The following UBE2H variants were observed in gnomAD, a reference collection of about 807,000 sequenced individuals.
The protein encoded by UBE2H is ubiquitin conjugating enzyme E2 H.
A neutral mutation model predicts 29.0 loss-of-function variants in UBE2H; 3 were observed. The observed-to-expected ratio is 0.10, with a 90% confidence interval of 0.05 to 0.27. UBE2H has a LOEUF of 0.27. Among genes scored for constraint, UBE2H ranks in the 10% least tolerant of loss-of-function variants. The pLI is 1.00. For missense variants in UBE2H, 68 were observed against 228.2 expected (o/e 0.30, Z 4.52); for synonymous variants, 69 against 82.9 (o/e 0.83, Z 0.91).
intron 5 of UBE2H, 105 bp from the exon 6 acceptor site, chr7:129,839,440 G>A: frequency 6.7e-7 from 1 of 1,493,780 alleles, no homozygotes; most frequent in Non-Finnish European, 9.1e-7. Flanking sequence ...TTCACACGGG[G>A]ATGATTCTCC....
intron 1 of UBE2H, among the ~76,000 whole-genome samples, chr7:129,882,110 C>T (rs1806268097): frequency 6.6e-6 from 1 of 152,188 alleles, no homozygotes; most frequent in Non-Finnish European, 1.5e-5. Context: ...CTTACCTACC[C>T]CTGAGATTCT....
At chr7:129,934,991 ATGTGTGTGTATATGTG>A (rs1807496213) in intron 1 of UBE2H, among the ~76,000 whole-genome samples, 1 of 150,860 alleles carries the variant, frequency 6.6e-6, no homozygotes, top group Non-Finnish European at 1.5e-5. Context: ...GTGTATATAT[ATGTGTGTGTATATGTG>A]TGTGTGTGTG....
At chr7:129,917,432 CTG>C (rs1208256659) in intron 1 of UBE2H, among the ~76,000 whole-genome samples, 2 of 152,260 alleles carry the variant, frequency 1.3e-5, no homozygotes, top group East Asian at 3.9e-4. Flanking sequence ...ATCAGCTAAA[CTG>C]TGTGTGTGCA....
At chr7:129,935,050 T>G (rs1328537957) in intron 1 of UBE2H, among the ~76,000 whole-genome samples, 1 of 148,610 alleles carries the variant, frequency 6.7e-6, no homozygotes, top group Non-Finnish European at 1.5e-5. Flanking sequence ...AAAATAGAGG[T>G]GAAAGGTAAA....
chr7:129,849,109 T>G (rs1425991386), intron 5 of UBE2H, among the ~76,000 whole-genome samples: 1 of 151,924 alleles, frequency 6.6e-6, no homozygotes, highest in Non-Finnish European at 1.5e-5. Flanking sequence ...CAAAAACCTA[T>G]AAAGAGTCCT....
chr7:129,868,219 G>A (rs1412842980), intron 3 of UBE2H, among the ~76,000 whole-genome samples: 2 of 152,208 alleles, frequency 1.3e-5, no homozygotes, highest in Non-Finnish European at 2.9e-5. Flanking sequence ...TAGGCAGCAA[G>A]TGTGATGGAA....
rs559298492 is a variant in UBE2H at position 129,831,011 on chromosome 7, C to T, written c.*3926G>A. ...TCTGTAAATAATGGCCATTTCTTCC[C>T]AAGCCCACAGCCAAGATGAGTGTTA... On this transcript the variant is annotated 3_prime_UTR_variant, in exon 7 of 7. Transcript: ENST00000355621. 1 of 151,996 alleles carries T rather than the reference C, an allele frequency of 6.6e-6. No homozygotes were observed. The highest frequency in any genetic ancestry group is 3.4e-3 in the Middle Eastern group (1 of 294). The allele number at this position is 151,996 out of a possible 1,614,324, so 9.4% of individuals were successfully genotyped here. A position where few individuals can be genotyped will look rare whatever the true frequency, so the allele number is the denominator to read the frequency against.
chr7:129,879,729 C>A lies in UBE2H; in HGVS notation c.131-87G>T, dbSNP rs902599411. The A allele has an allele frequency of 7.3e-6, 9 of 1,229,894 alleles. No homozygotes were observed. In the African/African-American group the frequency reaches 1.2e-4, roughly 17 times the overall value. 76.2% of individuals were successfully genotyped at this position (1,229,894 alleles called of 1,614,324 possible). On this transcript the variant is annotated intron_variant, in intron 2 of 6. Transcript: ENST00000355621. Reference sequence around the variant, plus strand: ...TGTAAATTAAACATTATCCCCTAATCTTCTGAAAACCTTCCAAATTAATTC... The same window carrying A: ...TGTAAATTAAACATTATCCCCTAATATTCTGAAAACCTTCCAAATTAATTC...
At position 129,857,836 on chromosome 7, in the gene UBE2H, T is replaced by A. The variant is rs566291227; in HGVS notation, c.246-273A>T. Among the ~76,000 whole-genome samples the A allele has an allele frequency of 7.2e-5, 11 of 152,316 alleles. No individual in the cohort carries two copies. The South Asian group carries it at 2.1e-3, about 29-fold the overall frequency. ...GAACACAAGGGGCAGACAGACCTTG[T>A]GTGTCTCTGAATGTGATACCCCAAG... is the stretch of plus-strand genomic sequence containing the variant. On this transcript the variant is annotated intron_variant, in intron 4 of 6. Coordinates refer to ENST00000355621, the MANE Select transcript of UBE2H (RefSeq NM_003344.4).
At chr7:129,902,239 C>A (rs535513821) in intron 1 of UBE2H, among the ~76,000 whole-genome samples, 1 of 152,308 alleles carries the variant, frequency 6.6e-6, no homozygotes, top group South Asian at 2.1e-4. Context: ...TGGCTCACAG[C>A]TGTAATCTCA....
intron 1 of UBE2H, among the ~76,000 whole-genome samples, chr7:129,949,606 A>G (rs1041820096): frequency 6.6e-6 from 1 of 152,216 alleles, no homozygotes; most frequent in Admixed American, 6.5e-5. Flanking sequence ...CACTCCCTGC[A>G]TAACTTGGGA....
At chr7:129,938,723 A>C (rs959459689) in intron 1 of UBE2H, among the ~76,000 whole-genome samples, 1 of 151,442 alleles carries the variant, frequency 6.6e-6, no homozygotes, top group Non-Finnish European at 1.5e-5. Flanking sequence ...AAAAAAACAA[A>C]GCCGACCCAA....
rs1805605766 is a variant in UBE2H at position 129,851,332 on chromosome 7, T to C, written c.298+6179A>G. On this transcript the variant is annotated intron_variant, in intron 5 of 6. Coordinates refer to ENST00000355621, the MANE Select transcript of UBE2H (RefSeq NM_003344.4). ...CCTTAAGAGCTTGTAAGCTAAAACA[T>C]GGTAATAGGATTTGTTATTAACCTT... Among the ~76,000 whole-genome samples the C allele has an allele frequency of 2.0e-5, 3 of 152,212 alleles. 1 individual carries two copies. The highest frequency in any genetic ancestry group is 1.3e-4 in the Admixed American group (2 of 15,286).
intron 1 of UBE2H, among the ~76,000 whole-genome samples, chr7:129,903,816 G>A (rs759629027): frequency 3.3e-5 from 5 of 152,182 alleles, no homozygotes; most frequent in Non-Finnish European, 7.3e-5. Flanking sequence ...TGAAATGGGA[G>A]GATCCCTTGA....
chr7:129,928,300 C>CA (rs1251551233), intron 1 of UBE2H, among the ~76,000 whole-genome samples: 3 of 151,444 alleles, frequency 2.0e-5, no homozygotes, highest in African/African-American at 7.3e-5. Context: ...AAAATAAAAA[C>CA]AAAAAACAAA....
chr7:129,866,158 G>A, intron 3 of UBE2H, among the ~76,000 whole-genome samples: 1 of 152,174 alleles, frequency 6.6e-6, no homozygotes, highest in East Asian at 1.9e-4. Context: ...ACCAGGCAAG[G>A]AGCTCACTCT....
intron 1 of UBE2H, among the ~76,000 whole-genome samples, chr7:129,888,651 T>C (rs1348396922): frequency 6.6e-6 from 1 of 152,142 alleles, no homozygotes; most frequent in East Asian, 1.9e-4. Context: ...ATTTTTGTAT[T>C]TTCAGTAGAG....
At chr7:129,902,643 G>A (rs1401249472) in intron 1 of UBE2H, among the ~76,000 whole-genome samples, 1 of 152,170 alleles carries the variant, frequency 6.6e-6, no homozygotes, top group African/African-American at 2.4e-5. Context: ...ATTTAAGGTG[G>A]AGGAGCTTGT....
At chr7:129,904,175 C>T (rs950538237) in intron 1 of UBE2H, among the ~76,000 whole-genome samples, 3 of 152,208 alleles carry the variant, frequency 2.0e-5, no homozygotes, top group African/African-American at 7.2e-5. Flanking sequence ...TCCTCAAACA[C>T]AATAAGCTCT....
Sources: allele counts gnomAD v4.1 joint callset (sites outside exome capture counted in the v4.1 genomes callset), GRCh38; gene constraint gnomAD v4.1.1; transcripts MANE v1.5; gene names NCBI Gene and HGNC (gene_info 2026-07-23, HGNC 2026-07-21).